RNF220: variants seen among roughly 807,000 people sequenced by gnomAD.
The protein encoded by RNF220 is E3 ubiquitin-protein ligase RNF220.
RNF220 carries 7 observed loss-of-function variants against 67.1 expected under a neutral mutation model. That is an observed-to-expected ratio of 0.10 (90% CI 0.06 to 0.20). The LOEUF is 0.20. RNF220 is among the 10% of genes least tolerant of loss of function. The pLI is 1.00. For missense variants in RNF220, 565 were observed against 740.3 expected (o/e 0.76, Z 2.75); for synonymous variants, 270 against 283.2 (o/e 0.95, Z 0.47).
chr1:44,419,923 A>G (rs1649021867), intron 2 of RNF220: 1 of 152,248 alleles, frequency 6.6e-6, no homozygotes, highest in Non-Finnish European at 1.5e-5. Context: ...ATTGGAGCCT[A>G]TCCCCTTTCC....
intron 2 of RNF220, among the ~76,000 whole-genome samples, chr1:44,503,426 C>T (rs532183929): frequency 6.6e-6 from 1 of 151,568 alleles, no homozygotes; most frequent in African/African-American, 2.4e-5. Context: ...GATTGGACTC[C>T]AAATGCAGGC....
chr1:44,587,534 G>A lies in RNF220; in HGVS notation c.626-26631G>A, dbSNP rs1212836316. Among the ~76,000 whole-genome samples, 7 of 152,230 alleles carry A rather than the reference G, an allele frequency of 4.6e-5. No individual in the cohort carries two copies. In the East Asian group the frequency reaches 9.6e-4, roughly 21 times the overall value. On this transcript the variant is annotated intron_variant, in intron 2 of 14. Coordinates refer to ENST00000361799, the MANE Select transcript of RNF220 (RefSeq NM_018150.4). ...GTGGAAAGAGATGGGGAACATTCCCGCCCCCTCTGTGCTGGCCTCGGCTCC... is the reference window on the plus strand; with the variant it reads ...GTGGAAAGAGATGGGGAACATTCCCACCCCCTCTGTGCTGGCCTCGGCTCC...
At chr1:44,515,925 G>T (rs1659418238) in intron 2 of RNF220, among the ~76,000 whole-genome samples, 1 of 152,174 alleles carries the variant, frequency 6.6e-6, no homozygotes, top group Admixed American at 6.5e-5. Flanking sequence ...TGAAATAAAT[G>T]ACTTGGCTTC....
chr1:44,429,327 C>T (rs1252787383), intron 2 of RNF220, among the ~76,000 whole-genome samples: 9 of 152,222 alleles, frequency 5.9e-5, no homozygotes, highest in Non-Finnish European at 1.3e-4. Context: ...CCTAGCATTA[C>T]ACCAAGTTAA....
chr1:44,585,498 C>T (rs1029290918), intron 2 of RNF220, among the ~76,000 whole-genome samples: 1 of 152,246 alleles, frequency 6.6e-6, no homozygotes, highest in Non-Finnish European at 1.5e-5. Context: ...ACCTAAGTCC[C>T]TACCTCTCCC....
chr1:44,406,436 A>G (rs1410030430), intron 1 of RNF220, among the ~76,000 whole-genome samples: 1 of 152,252 alleles, frequency 6.6e-6, no homozygotes, highest in African/African-American at 2.4e-5. Context: ...CTACTGAGCA[A>G]GGCGGGAGGA....
intron 2 of RNF220, among the ~76,000 whole-genome samples, chr1:44,512,425 C>T (rs919514399): frequency 6.6e-6 from 1 of 152,158 alleles, no homozygotes; most frequent in Non-Finnish European, 1.5e-5. Context: ...GTTGCATGCA[C>T]ACAATTTGGA....
chr1:44,549,291 T>TTG (rs1245149390), intron 2 of RNF220, among the ~76,000 whole-genome samples: 4 of 152,192 alleles, frequency 2.6e-5, no homozygotes, highest in African/African-American at 9.6e-5. Context: ...CCCCAGTCCC[T>TTG]AGCACAATGC....
chr1:44,510,531 C>G (rs1658900506), intron 2 of RNF220, among the ~76,000 whole-genome samples: 1 of 152,224 alleles, frequency 6.6e-6, no homozygotes, highest in Non-Finnish European at 1.5e-5. Context: ...CTTTGCTTTT[C>G]AGGACATTAA....
chr1:44,497,338 G>GACACACAC (rs10578430), intron 2 of RNF220, among the ~76,000 whole-genome samples: 49 of 147,950 alleles, frequency 3.3e-4, no homozygotes, highest in South Asian at 1.1e-3. Context: ...CCCCTTCCCT[G>GACACACAC]ACACACACAC....
intron 2 of RNF220, among the ~76,000 whole-genome samples, chr1:44,425,955 C>G (rs1649724231): frequency 1.3e-5 from 2 of 152,168 alleles, no homozygotes; most frequent in South Asian, 2.1e-4. Context: ...AGTCTGTGTT[C>G]CCTGAGACCG....
At chr1:44,585,005 T>C (rs1665594690) in intron 2 of RNF220, among the ~76,000 whole-genome samples, 1 of 152,118 alleles carries the variant, frequency 6.6e-6, no homozygotes, top group African/African-American at 2.4e-5. Flanking sequence ...AGCCCAGAAG[T>C]AGCATTTCTA....
chr1:44,405,388 T>TGCTGCTGCC lies in RNF220; in HGVS notation c.-254_-246dup, dbSNP rs547928602. 471 of 629,248 alleles carry TGCTGCTGCC rather than the reference T, an allele frequency of 7.5e-4. 2 individuals carry two copies. The highest frequency in any genetic ancestry group is 6.1e-3 in the African/African-American group (326 of 53,224). 39.0% of individuals were successfully genotyped at this position (629,248 alleles called of 1,614,324 possible). ...GGGGCCAGCCGCCTACTGCTGCTGC[T>TGCTGCTGCC]GCTGCTGCCGCTGCCGCCGCCGCCG... is the stretch of plus-strand genomic sequence containing the variant. On this transcript the variant is annotated 5_prime_UTR_variant, in exon 1 of 15. Transcript: ENST00000361799.
intron 2 of RNF220, among the ~76,000 whole-genome samples, chr1:44,470,451 A>T: frequency 6.6e-6 from 1 of 152,194 alleles, no homozygotes. Context: ...ATACAGGTTT[A>T]TTTATGTGTA....
intron 2 of RNF220, among the ~76,000 whole-genome samples, chr1:44,451,994 T>C (rs939952186): frequency 6.6e-6 from 1 of 152,250 alleles, no homozygotes; most frequent in African/African-American, 2.4e-5. Flanking sequence ...TCCTACCCCT[T>C]AGAAGACGTT....
chr1:44,551,861 C>G (rs1243506142), intron 2 of RNF220, among the ~76,000 whole-genome samples: 2 of 152,206 alleles, frequency 1.3e-5, no homozygotes, highest in African/African-American at 2.4e-5. Context: ...CTGAACACCT[C>G]AAGCTCCCAT....
intron 2 of RNF220, among the ~76,000 whole-genome samples, chr1:44,567,504 G>A (rs572968285): frequency 6.6e-6 from 1 of 152,144 alleles, no homozygotes; most frequent in Non-Finnish European, 1.5e-5. Context: ...CACCAAGAAT[G>A]CCTGTTGAGG....
intron 2 of RNF220, among the ~76,000 whole-genome samples, chr1:44,448,035 AC>A (rs200529747): frequency 0.02 from 3,033 of 152,294 alleles, 51 homozygotes; most frequent in South Asian, 0.061. Flanking sequence ...GGGCAGTGTC[AC>A]GCCTGTAATC....
At chr1:44,518,233 C>T (rs1659611073) in intron 2 of RNF220, among the ~76,000 whole-genome samples, 1 of 151,800 alleles carries the variant, frequency 6.6e-6, no homozygotes, top group African/African-American at 2.4e-5. Flanking sequence ...CGAGAATAGC[C>T]TGGGCAACAT....
Sources: allele counts gnomAD v4.1 joint callset (sites outside exome capture counted in the v4.1 genomes callset), GRCh38; gene constraint gnomAD v4.1.1; transcripts MANE v1.5; gene names NCBI Gene and HGNC (gene_info 2026-07-23, HGNC 2026-07-21).